TOMM70: variants seen among roughly 807,000 people sequenced by gnomAD.
The protein encoded by TOMM70 is mitochondrial import receptor subunit TOM70.
A neutral mutation model predicts 73.6 loss-of-function variants in TOMM70; 13 were observed. The ratio of observed to expected loss-of-function variants is 0.18; its 90% CI spans 0.11 to 0.28. The LOEUF (loss-of-function observed/expected upper bound fraction) is 0.28. Among genes scored for constraint, TOMM70 ranks in the 10% least tolerant of loss-of-function variants. The pLI is 1.00. For missense variants in TOMM70, 609 were observed against 747.5 expected, an observed-to-expected ratio of 0.81 and a Z score of 2.16; for synonymous variants, 257 against 271.2, an observed-to-expected ratio of 0.95 and a Z score of 0.51.
At chr3:100,398,838 A>C (rs1458870967) in intron 1 of TOMM70, among the ~76,000 whole-genome samples, 1 of 152,234 alleles carries the variant, frequency 6.6e-6, no homozygotes, top group African/African-American at 2.4e-5. Flanking sequence ...TCCAGTCATA[A>C]ACCTTTTAGA....
chr3:100,380,267 C>T (rs547623098), intron 5 of TOMM70, among the ~76,000 whole-genome samples: 1 of 152,180 alleles, frequency 6.6e-6, no homozygotes, highest in East Asian at 1.9e-4. Flanking sequence ...ATTGCTTGAT[C>T]CCAGTAGGCA....
chr3:100,394,494 GTTAC>G (rs1340745947), intron 1 of TOMM70, among the ~76,000 whole-genome samples: 9 of 146,664 alleles, frequency 6.1e-5, no homozygotes, highest in South Asian at 2.2e-4. Flanking sequence ...TTGACCAATT[GTTAC>G]TTACTTACTT....
chr3:100,377,661 C>CTAAAG (rs1458499123), intron 6 of TOMM70, 44 bp downstream of exon 6: 5 of 1,563,120 alleles, frequency 3.2e-6, no homozygotes, highest in Middle Eastern at 1.9e-4. Context: ...TGAAAGGCAT[C>CTAAAG]GCCTTCTATT....
At chr3:100,395,542 C>CAAA (rs59048767) in intron 1 of TOMM70, among the ~76,000 whole-genome samples, 7,012 of 80,906 alleles carry the variant, frequency 0.087, 285 homozygotes, top group East Asian at 0.15. Flanking sequence ...GACTCCAACT[C>CAAA]AAAAAAAAAA....
Position 100,394,654 on chromosome 3 carries a change from C to T in TOMM70, c.324+5972G>A, listed in dbSNP as rs1302149735. ...GAGTAGCTGGGATTACAGAAACCCA[C>T]CATCATGCCCGGCTAATTTTTGTAT... is the stretch of plus-strand genomic sequence containing the variant. On this transcript the variant is annotated intron_variant, in intron 1 of 11. Coordinates refer to ENST00000284320, the MANE Select transcript of TOMM70 (RefSeq NM_014820.5). Among the ~76,000 whole-genome samples the T allele has an allele frequency of 3.3e-5, 5 of 152,232 alleles. No individual in the cohort carries two copies. The East Asian group carries it at 7.7e-4, about 24-fold the overall frequency.
At position 100,364,589 on chromosome 3, in the gene TOMM70, G is replaced by A. The variant is rs576637018; in HGVS notation, c.*975C>T. On this transcript the variant is annotated 3_prime_UTR_variant, in exon 12 of 12. Transcript: ENST00000284320. ...TTAAAGGATGGGGTCTTGCTATATT[G>A]CCCAGGCTGGAGTGCAGTGGCTATT... 4 of 99,978 alleles carry A rather than the reference G, an allele frequency of 4.0e-5. No individual in the cohort carries two copies. Among genetic ancestry groups the A allele is most frequent in the Admixed American group, 1.8e-4 (2 of 11,382 alleles). 6.2% of individuals were successfully genotyped at this position (99,978 alleles called of 1,614,324 possible).
intron 1 of TOMM70, among the ~76,000 whole-genome samples, chr3:100,395,582 C>A (rs114991597): frequency 3.9e-4 from 58 of 150,350 alleles, no homozygotes; most frequent in African/African-American, 1.3e-3. Flanking sequence ...AAGATTTCCA[C>A]GGAATCCAGC....
At chr3:100,379,779 G>A (rs1706609421) in intron 5 of TOMM70, among the ~76,000 whole-genome samples, 2 of 151,972 alleles carry the variant, frequency 1.3e-5, no homozygotes, top group African/African-American at 2.4e-5. Context: ...ACCATGCCAA[G>A]CTAATTTTTG....
chr3:100,386,760 TA>T, intron 2 of TOMM70, 44 bp downstream of exon 2: 1 of 1,577,892 alleles, frequency 6.3e-7, no homozygotes, highest in Admixed American at 2.1e-5. Context: ...TTTAAGCAAA[TA>T]AAGAGAAAGA....
chr3:100,366,544 TA>T (rs1706448929), intron 11 of TOMM70, among the ~76,000 whole-genome samples: 1 of 152,232 alleles, frequency 6.6e-6, no homozygotes, highest in Non-Finnish European at 1.5e-5. Context: ...AATCCCCCAT[TA>T]TAATATATGG....
intron 5 of TOMM70, among the ~76,000 whole-genome samples, chr3:100,378,996 G>A (rs1706598636): frequency 6.7e-6 from 1 of 148,526 alleles, no homozygotes; most frequent in Non-Finnish European, 1.5e-5. Context: ...GACAGAGCGA[G>A]ACTCCGTCTC....
At chr3:100,383,935 T>G (rs756795525) in intron 4 of TOMM70, among the ~76,000 whole-genome samples, 5 of 152,158 alleles carry the variant, frequency 3.3e-5, no homozygotes, top group Non-Finnish European at 5.9e-5. Context: ...TTTGAACCCA[T>G]CCCTCCAAAA....
chr3:100,381,364 G>A (rs1706631829), intron 5 of TOMM70, among the ~76,000 whole-genome samples: 1 of 152,070 alleles, frequency 6.6e-6, no homozygotes, highest in Non-Finnish European at 1.5e-5. Context: ...GATCATATAG[G>A]ACCTTGAGTA....
At chr3:100,376,021 A>C (rs924656511) in intron 6 of TOMM70, among the ~76,000 whole-genome samples, 1 of 152,134 alleles carries the variant, frequency 6.6e-6, no homozygotes, top group African/African-American at 2.4e-5. Context: ...ACATCTTCAA[A>C]AACACTTATT....
At chr3:100,380,472 G>T (rs1000717511) in intron 5 of TOMM70, among the ~76,000 whole-genome samples, 1 of 152,134 alleles carries the variant, frequency 6.6e-6, no homozygotes, top group East Asian at 1.9e-4. Flanking sequence ...AACCTTGTAA[G>T]GTAAATATTA....
Position 100,400,969 on chromosome 3 carries a change from C to T in TOMM70, c.-20G>A. Reference sequence around the variant, plus strand: ...GGCCATGACAAGTGTCCTCTGCCACCGCCTCCCTGTCTGTCGCGAGCGCCA... The same window carrying T: ...GGCCATGACAAGTGTCCTCTGCCACTGCCTCCCTGTCTGTCGCGAGCGCCA... On this transcript the variant is annotated 5_prime_UTR_variant, in exon 1 of 12. Coordinates refer to ENST00000284320, the MANE Select transcript of TOMM70 (RefSeq NM_014820.5). The T allele has an allele frequency of 2.0e-6, 3 of 1,526,398 alleles. No homozygotes were observed. The highest frequency in any genetic ancestry group is 2.6e-6 in the Non-Finnish European group (3 of 1,142,870). 94.6% of individuals were successfully genotyped at this position (1,526,398 alleles called of 1,614,324 possible). A position where few individuals can be genotyped will look rare whatever the true frequency, so the allele number is the denominator to read the frequency against.
chr3:100,364,737 A>C lies in TOMM70; in HGVS notation c.*827T>G, dbSNP rs1045103524. On this transcript the variant is annotated 3_prime_UTR_variant, in exon 12 of 12. Transcript: ENST00000284320. The stretch of plus-strand genomic sequence containing the variant: ...ACAGTGCCACTGTACCCTCTATCCT[A>C]CATTTTTAAAAGCTCACCATTAAAT... 3 of 152,140 alleles carry C rather than the reference A, an allele frequency of 2.0e-5. No homozygotes were observed. Among genetic ancestry groups the C allele is most frequent in the African/African-American group, 7.2e-5 (3 of 41,436 alleles). 9.4% of individuals were successfully genotyped at this position (152,140 alleles called of 1,614,324 possible).
chr3:100,398,383 CA>C (rs397970636), intron 1 of TOMM70, among the ~76,000 whole-genome samples: 1,298 of 97,956 alleles, frequency 0.013, 9 homozygotes, highest in African/African-American at 0.034. Context: ...GACGCTGTCT[CA>C]AAAAAAAAAA....
intron 5 of TOMM70, among the ~76,000 whole-genome samples, chr3:100,379,671 C>CA (rs960517776): frequency 2.0e-5 from 3 of 152,138 alleles, no homozygotes; most frequent in Non-Finnish European, 4.4e-5. Context: ...GGCTGGAGTG[C>CA]AGTGGCATGA....
Sources: gnomAD v4.1 joint callset for allele counts (sites outside exome capture counted in the v4.1 genomes callset) on GRCh38, gnomAD v4.1.1 for gene constraint, MANE v1.5 for transcripts, NCBI Gene and HGNC (gene_info 2026-07-23, HGNC 2026-07-21) for gene names.